Variants in TRAPPC9 observed in about 807,000 individuals in gnomAD.
TRAPPC9 encodes IKK2 binding protein.
Under a neutral mutation model 124.0 loss-of-function variants are expected in TRAPPC9, and 83 were observed. The ratio of observed to expected loss-of-function variants is 0.67; its 90% confidence interval spans 0.56 to 0.80. TRAPPC9 has a LOEUF of 0.80. TRAPPC9 is among the 30% of genes least tolerant of loss of function. TRAPPC9 has a pLI of 0.00. For missense variants in TRAPPC9, 1,302 were observed against 1,508.3 expected (o/e 0.86, Z 2.27); for synonymous variants, 638 against 617.5 (o/e 1.03, Z -0.49).
intron 17 of TRAPPC9, among the ~76,000 whole-genome samples, chr8:140,131,283 T>C (rs1474154577): frequency 6.6e-6 from 1 of 152,232 alleles, no homozygotes; most frequent in Non-Finnish European, 1.5e-5. Context: ...AGGTTCTTGA[T>C]ACATAAAGGA....
intron 17 of TRAPPC9, among the ~76,000 whole-genome samples, chr8:140,215,473 T>C (rs186874299): frequency 1.3e-5 from 2 of 151,480 alleles, no homozygotes; most frequent in East Asian, 3.9e-4. Context: ...TGAAACCCCA[T>C]CTCTACTAAA....
intron 21 of TRAPPC9, among the ~76,000 whole-genome samples, chr8:139,749,105 G>T (rs1338616581): frequency 6.6e-6 from 1 of 152,114 alleles, no homozygotes; most frequent in Non-Finnish European, 1.5e-5. Flanking sequence ...GTCCCCTGTG[G>T]TCTCTCACCC....
At chr8:139,989,450 C>T (rs565147607) in intron 18 of TRAPPC9, among the ~76,000 whole-genome samples, 3 of 152,344 alleles carry the variant, frequency 2.0e-5, no homozygotes, top group Admixed American at 1.3e-4. Flanking sequence ...AAGTAAAATG[C>T]TCAAGTTCCC....
At chr8:139,790,813 G>A (rs1822607848) in intron 21 of TRAPPC9, among the ~76,000 whole-genome samples, 1 of 152,182 alleles carries the variant, frequency 6.6e-6, no homozygotes, top group Non-Finnish European at 1.5e-5. Flanking sequence ...CCTGGTGTAA[G>A]GTGACTCGAT....
chr8:140,296,403 C>T (rs186092209), intron 11 of TRAPPC9, among the ~76,000 whole-genome samples: 207 of 152,202 alleles, frequency 1.4e-3, no homozygotes, highest in Non-Finnish European at 1.8e-3. Flanking sequence ...TAGCTGGGAC[C>T]ACAGGTGCCC....
At chr8:140,249,830 A>G (rs4736156) in intron 16 of TRAPPC9, among the ~76,000 whole-genome samples, 22,645 of 151,732 alleles carry the variant, frequency 0.15, 2,121 homozygotes, top group Admixed American at 0.23. Flanking sequence ...GGATGGTCTC[A>G]ATCTCCTGAC....
chr8:140,352,574 C>CG (rs1563967530), intron 9 of TRAPPC9, among the ~76,000 whole-genome samples: 1 of 152,080 alleles, frequency 6.6e-6, no homozygotes, highest in Non-Finnish European at 1.5e-5. Flanking sequence ...ACATTAAACG[C>CG]GGGGGAAACA....
intron 19 of TRAPPC9, among the ~76,000 whole-genome samples, chr8:139,948,702 C>T (rs1834435309): frequency 6.6e-6 from 1 of 152,214 alleles, no homozygotes; most frequent in Non-Finnish European, 1.5e-5. Flanking sequence ...GGAGCCAGGC[C>T]TCACGCACAG....
intron 17 of TRAPPC9, among the ~76,000 whole-genome samples, chr8:140,163,797 G>T (rs1486288327): frequency 6.6e-6 from 1 of 152,148 alleles, no homozygotes; most frequent in African/African-American, 2.4e-5. Context: ...CTCCAAACAT[G>T]GATAAGGTCA....
chr8:139,884,472 T>C (rs907113533), intron 21 of TRAPPC9, among the ~76,000 whole-genome samples: 4 of 152,176 alleles, frequency 2.6e-5, no homozygotes, highest in African/African-American at 9.7e-5. Flanking sequence ...GTTCTGCCTG[T>C]GGCCCTCCCT....
intron 15 of TRAPPC9, among the ~76,000 whole-genome samples, chr8:140,253,900 G>A (rs950101083): frequency 6.6e-5 from 10 of 152,112 alleles, no homozygotes; most frequent in African/African-American, 1.9e-4. Flanking sequence ...TTCTTCGTGT[G>A]TAAAATGGGG....
At position 140,173,553 on chromosome 8, in the gene TRAPPC9, C is replaced by CCAA. The variant is rs1178736686; in HGVS notation, c.2556+47905_2556+47906insTTG. ...TGGGCGACAGAGCAAGACTCTGTCT[C>CCAA]AAAAAAAAAAAAAAAAAAAAATCTT... is the stretch of plus-strand genomic sequence containing the variant. On this transcript the variant is annotated intron_variant, in intron 17 of 22. Coordinates refer to ENST00000438773, the MANE Select transcript of TRAPPC9 (RefSeq NM_001160372.4). Among the ~76,000 whole-genome samples, 10 of 59,760 alleles carry CCAA rather than the reference C, an allele frequency of 1.7e-4. No homozygotes were observed. In the East Asian group the frequency reaches 2.6e-3, roughly 15 times the overall value. The allele number at this position is 59,760 out of a possible 152,430, so 39.2% of individuals were successfully genotyped here.
At chr8:140,371,737 T>C (rs997784817) in intron 7 of TRAPPC9, among the ~76,000 whole-genome samples, 2 of 152,052 alleles carry the variant, frequency 1.3e-5, no homozygotes, top group Non-Finnish European at 2.9e-5. Flanking sequence ...GGAGTCTCAC[T>C]CTGTCACTCA....
chr8:140,213,726 G>C (rs1250171782), intron 17 of TRAPPC9, among the ~76,000 whole-genome samples: 1 of 152,232 alleles, frequency 6.6e-6, no homozygotes, highest in Non-Finnish European at 1.5e-5. Context: ...GGAACCAACA[G>C]GCTCCCCAAA....
At chr8:140,271,643 C>G (rs1563902474) in intron 15 of TRAPPC9, among the ~76,000 whole-genome samples, 1 of 152,204 alleles carries the variant, frequency 6.6e-6, no homozygotes. Context: ...TGGAAAAGTG[C>G]TCAACTTCAC....
intron 9 of TRAPPC9, among the ~76,000 whole-genome samples, chr8:140,341,353 C>T (rs1294523196): frequency 6.6e-6 from 1 of 152,138 alleles, no homozygotes; most frequent in Non-Finnish European, 1.5e-5. Context: ...TCCTGGAAAA[C>T]CCACGTGTCT....
At chr8:140,107,352 T>C (rs2060685992) in intron 17 of TRAPPC9, among the ~76,000 whole-genome samples, 1 of 152,220 alleles carries the variant, frequency 6.6e-6, no homozygotes, top group South Asian at 2.1e-4. Flanking sequence ...TACTAAGTAT[T>C]CAGTTCAGCT....
At chr8:140,144,687 A>G (rs1173556982) in intron 17 of TRAPPC9, among the ~76,000 whole-genome samples, 1 of 152,094 alleles carries the variant, frequency 6.6e-6, no homozygotes. Context: ...GGGTTTCACC[A>G]TGTTGGTCAG....
intron 17 of TRAPPC9, among the ~76,000 whole-genome samples, chr8:140,181,361 A>G (rs986510853): frequency 6.6e-6 from 1 of 152,164 alleles, no homozygotes; most frequent in Non-Finnish European, 1.5e-5. Flanking sequence ...CCAGGGTCCA[A>G]ATGATTCCCC....
Sources: gnomAD v4.1 joint callset for allele counts (sites outside exome capture counted in the v4.1 genomes callset) on GRCh38, gnomAD v4.1.1 for gene constraint, MANE v1.5 for transcripts, NCBI Gene and HGNC (gene_info 2026-07-23, HGNC 2026-07-21) for gene names.